The following SLC25A24 variants were observed in gnomAD, a reference collection of about 807,000 sequenced individuals.
SLC25A24 encodes solute carrier family 25 member 24, also known as mitochondrial adenyl nucleotide antiporter SLC25A24.
In SLC25A24, 49 loss-of-function variants were observed where a neutral mutation model predicts 60.7. The observed-to-expected ratio is 0.81, with a 90% CI of 0.64 to 1.02. SLC25A24 has a LOEUF of 1.02. SLC25A24 is among the 50% of genes least tolerant of loss of function. The pLI is 0.00. For missense variants in SLC25A24, 564 were observed against 586.3 expected, an observed-to-expected ratio of 0.96 and a Z score of 0.39; for synonymous variants, 202 against 200.6, an observed-to-expected ratio of 1.01 and a Z score of -0.06.
intron 3 of SLC25A24, among the ~76,000 whole-genome samples, chr1:108,166,501 T>C (rs1363533335): frequency 6.6e-6 from 1 of 152,100 alleles, no homozygotes; most frequent in Non-Finnish European, 1.5e-5. Context: ...TTCTTTTTAT[T>C]CTTTTTTCTC....
At chr1:108,170,213 G>A (rs1044849886) in intron 3 of SLC25A24, among the ~76,000 whole-genome samples, 3 of 151,958 alleles carry the variant, frequency 2.0e-5, no homozygotes, top group African/African-American at 4.8e-5. Context: ...TTCCACTTAC[G>A]ATTTCCTTTG....
Position 108,157,492 on chromosome 1 carries a change from G to T in SLC25A24, c.639C>A (p.Ala213=). 1.2e-6 allele frequency: 2 copies of T among 1,614,082 alleles called. No individual in the cohort carries two copies. Among genetic ancestry groups the T allele is most frequent in the Non-Finnish European group, 1.7e-6 (2 of 1,180,002 alleles). Residue 213 remains alanine (A), a synonymous_variant, in exon 5 of 10, where the codon GCC becomes GCA. Transcript: ENST00000565488. ...TCATGATTTTCAGACGGTCCAAAGG[G>T]GCAGTGCTTGTTCGAGAGACAGCAC... The part of the protein sequence containing the change: ...IAGAVSRTST[A]PLDRLKIMMQ...
At chr1:108,137,026 G>C (rs564060498) in intron 9 of SLC25A24, among the ~76,000 whole-genome samples, 189 bp from the exon 10 acceptor site, 1 of 152,088 alleles carries the variant, frequency 6.6e-6, no homozygotes, top group Non-Finnish European at 1.5e-5. Context: ...CCTAACTATA[G>C]TAATGATGGT....
chr1:108,172,296 G>C (rs1371082997), intron 3 of SLC25A24, among the ~76,000 whole-genome samples: 2 of 152,182 alleles, frequency 1.3e-5, no homozygotes, highest in African/African-American at 4.8e-5. Context: ...AGTCACAGCT[G>C]TTTCAATCAA....
intron 7 of SLC25A24, among the ~76,000 whole-genome samples, chr1:108,147,047 G>GT (rs941457084): frequency 3.3e-5 from 5 of 151,774 alleles, no homozygotes. Context: ...CTGGTCCTGG[G>GT]TTTTTTTTGG....
chr1:108,195,955 G>A (rs1366345830), intron 1 of SLC25A24, among the ~76,000 whole-genome samples: 1 of 149,530 alleles, frequency 6.7e-6, no homozygotes. Flanking sequence ...AGCCGAGATC[G>A]CACCACTGCA....
At position 108,173,339 on chromosome 1, in the gene SLC25A24, T is replaced by C. The variant is rs1488781254; in HGVS notation, c.398+8602A>G. 2.6e-5 allele frequency among the ~76,000 whole-genome samples: 4 copies of C among 152,214 alleles called. No individual in the cohort carries two copies. The East Asian group carries it at 7.7e-4, about 29-fold the overall frequency. ...TGATAGTGAGTGAGTTCTCACGAGA[T>C]ATGATGGTTTTATAGGGCTTTTCCC... is the stretch of plus-strand genomic sequence containing the variant. On this transcript the variant is annotated intron_variant, in intron 3 of 9. Coordinates refer to ENST00000565488, the MANE Select transcript of SLC25A24 (RefSeq NM_013386.5).
At chr1:108,194,521 A>G (rs1177474934) in intron 1 of SLC25A24, among the ~76,000 whole-genome samples, 3 of 138,542 alleles carry the variant, frequency 2.2e-5, no homozygotes, top group Non-Finnish European at 3.1e-5. Flanking sequence ...ACAGGCTGAC[A>G]GCATTTAACA....
intron 5 of SLC25A24, among the ~76,000 whole-genome samples, chr1:108,155,722 T>C (rs1679879760): frequency 6.6e-6 from 1 of 152,096 alleles, no homozygotes; most frequent in South Asian, 2.1e-4. Context: ...CTCTTTGGCA[T>C]ATTTTGAGGC....
rs566901181 is a variant in SLC25A24, at chr1:108,176,199, C to T, written c.398+5742G>A. ...TGAAATAATAAAAGAAAAAATCAAA[C>T]AGAAATCATGGGGCTGAAAAATACA... On this transcript the variant is annotated intron_variant, in intron 3 of 9. Transcript: ENST00000565488. Among the ~76,000 whole-genome samples the T allele has an allele frequency of 3.4e-4, 51 of 151,778 alleles. No individual in the cohort carries two copies. In the South Asian group the frequency reaches 0.01, roughly 30 times the overall value.
At chr1:108,169,510 C>G (rs144882621) in intron 3 of SLC25A24, among the ~76,000 whole-genome samples, 1 of 152,084 alleles carries the variant, frequency 6.6e-6, no homozygotes, top group Non-Finnish European at 1.5e-5. Flanking sequence ...ATTCAGTTTG[C>G]TAATATTTTC....
At chr1:108,167,586 A>C (rs111943778) in intron 3 of SLC25A24, among the ~76,000 whole-genome samples, 29 of 152,332 alleles carry the variant, frequency 1.9e-4, no homozygotes, top group Middle Eastern at 3.4e-3. Context: ...TTCTTTGACT[A>C]GGAAAGGGAA....
In SLC25A24 at chr1:108,191,756, T is replaced by A. The variant is rs937496464; in HGVS notation, c.184-5802A>T. ...TACCAATTATCCAAAATAAACTCAA[T>A]AGTCCACATGCTCATGATCTCCCAG... On this transcript the variant is annotated intron_variant, in intron 1 of 9. Coordinates refer to ENST00000565488, the MANE Select transcript of SLC25A24 (RefSeq NM_013386.5). Among the ~76,000 whole-genome samples, 4 of 140,028 alleles carry A rather than the reference T, an allele frequency of 2.9e-5. 1 individual carries two copies. The highest frequency in any genetic ancestry group is 9.9e-5 in the African/African-American group (4 of 40,226). 91.9% of individuals were successfully genotyped at this position (140,028 alleles called of 152,430 possible). A position where few individuals can be genotyped will look rare whatever the true frequency, so the allele number is the denominator to read the frequency against.
At chr1:108,179,049 C>CA (rs1264923956) in intron 3 of SLC25A24, among the ~76,000 whole-genome samples, 1 of 122,728 alleles carries the variant, frequency 8.1e-6, no homozygotes, top group Non-Finnish European at 1.7e-5. Context: ...TACATAAAAA[C>CA]AAAAAACCTC....
At chr1:108,151,248 A>C (rs1384753613) in intron 6 of SLC25A24, among the ~76,000 whole-genome samples, 2 of 152,028 alleles carry the variant, frequency 1.3e-5, no homozygotes, top group African/African-American at 4.8e-5. Context: ...AAACAAAAAA[A>C]CAAATCCCCT....
intron 1 of SLC25A24, among the ~76,000 whole-genome samples, chr1:108,187,399 ATGGTT>A (rs956723715): frequency 3.3e-5 from 5 of 152,192 alleles, no homozygotes; most frequent in Admixed American, 6.5e-5. Flanking sequence ...AAGCCAAAAG[ATGGTT>A]CTTTGAAAAG....
Position 108,185,885 on chromosome 1 carries a change from T to C in SLC25A24, c.253A>G (p.Lys85Glu). ...AATTTCATTTTCTTCTCATGGTCTT[T>C]AAGGTACTTCATAAATTCTTCAAAA... is the stretch of plus-strand genomic sequence containing the variant. ...LDFEEFMKYL[K>E]DHEKKMKLAF... The change falls in exon 2 of 10, where the codon AAA (lysine) becomes GAA (glutamate). Residue 85 changes from lysine to glutamate, a missense_variant. By Grantham distance (56) the Lys-to-Glu change is moderately conservative. Coordinates refer to ENST00000565488, the MANE Select transcript of SLC25A24 (RefSeq NM_013386.5). The C allele has an allele frequency of 6.3e-7, 1 of 1,592,580 alleles. No individual in the cohort carries two copies. Among genetic ancestry groups the C allele is most frequent in the Middle Eastern group, 1.7e-4 (1 of 6,002 alleles).
In SLC25A24 at chr1:108,167,231, C is replaced by A. The variant is rs947187680; in HGVS notation, c.399-5938G>T. Among the ~76,000 whole-genome samples, 586 of 151,248 alleles carry A rather than the reference C, an allele frequency of 3.9e-3. 5 individuals are homozygous for A. Among genetic ancestry groups the A allele is most frequent in the Non-Finnish European group, 6.6e-3 (445 of 67,604 alleles). ...GGGACATTTAAGTCTGCAGAGGTTA[C>A]TGCTGTCTTTTTGTTTGTCTGTGCC... On this transcript the variant is annotated intron_variant, in intron 3 of 9. Transcript: ENST00000565488.
At chr1:108,150,704 G>C (rs1264624597) in intron 6 of SLC25A24, among the ~76,000 whole-genome samples, 3 of 152,062 alleles carry the variant, frequency 2.0e-5, no homozygotes, top group African/African-American at 7.2e-5. Flanking sequence ...AGTTCTTCTT[G>C]TAATCAAAGA....
Sources: allele counts gnomAD v4.1 joint callset (sites outside exome capture counted in the v4.1 genomes callset), GRCh38; gene constraint gnomAD v4.1.1; transcripts MANE v1.5; gene names NCBI Gene and HGNC (gene_info 2026-07-23, HGNC 2026-07-21).